The following PRKAR2B variants were observed in gnomAD, a reference collection of about 807,000 sequenced individuals.
PRKAR2B encodes the protein cAMP-dependent protein kinase type II-beta regulatory subunit.
In PRKAR2B, 14 loss-of-function variants were observed where a neutral mutation model predicts 49.9. That is an observed-to-expected ratio of 0.28 (90% CI 0.19 to 0.44). The LOEUF (loss-of-function observed/expected upper bound fraction) is 0.44. Among genes scored for constraint, PRKAR2B ranks in the 20% least tolerant of loss-of-function variants. PRKAR2B has a pLI of 1.00. For synonymous variants in PRKAR2B, 196 were observed against 197.7 expected, an observed-to-expected ratio of 0.99 and a Z score of 0.07; for missense variants, 393 against 537.9, an observed-to-expected ratio of 0.73 and a Z score of 2.67.
chr7:107,046,647 A>G (rs1793701059), intron 1 of PRKAR2B, among the ~76,000 whole-genome samples: 1 of 152,200 alleles, frequency 6.6e-6, no homozygotes, highest in Non-Finnish European at 1.5e-5. Context: ...AGAAACGAGA[A>G]AGAGAAAAGA....
chr7:107,096,604 G>A (rs1416173096), intron 2 of PRKAR2B, among the ~76,000 whole-genome samples: 5 of 152,090 alleles, frequency 3.3e-5, no homozygotes, highest in Middle Eastern at 3.4e-3. Context: ...TGTGATGTTA[G>A]GGTGTCAATT....
At chr7:107,151,808 A>G (rs1054942095) in intron 7 of PRKAR2B, among the ~76,000 whole-genome samples, 2 of 152,182 alleles carry the variant, frequency 1.3e-5, no homozygotes, top group African/African-American at 4.8e-5. Context: ...GCCTGGGAGA[A>G]GATCGAAACT....
intron 4 of PRKAR2B, among the ~76,000 whole-genome samples, chr7:107,132,054 A>G (rs566820899): frequency 2.0e-5 from 3 of 152,306 alleles, no homozygotes; most frequent in Admixed American, 6.5e-5. Flanking sequence ...GGAAAACATG[A>G]TATATTGCTG....
intron 1 of PRKAR2B, among the ~76,000 whole-genome samples, chr7:107,050,192 G>C (rs1034485275): frequency 2.3e-4 from 35 of 152,206 alleles, no homozygotes; most frequent in African/African-American, 8.4e-4. Flanking sequence ...AGTAAAACCA[G>C]TTGTGAAGGC....
At chr7:107,155,406 AT>A (rs529020861) in intron 8 of PRKAR2B, among the ~76,000 whole-genome samples, 1 of 152,258 alleles carries the variant, frequency 6.6e-6, no homozygotes, top group East Asian at 1.9e-4. Flanking sequence ...ATACAAAAAA[AT>A]AAATAAATAC....
At chr7:107,106,410 A>G (rs935853744) in intron 2 of PRKAR2B, among the ~76,000 whole-genome samples, 2 of 152,170 alleles carry the variant, frequency 1.3e-5, no homozygotes, top group Admixed American at 6.5e-5. Context: ...ATCCTCTACC[A>G]TACATCAGAT....
chr7:107,160,997 C>T lies in PRKAR2B; in HGVS notation c.*1415C>T, dbSNP rs182350215. 46 of 152,248 alleles carry T rather than the reference C, an allele frequency of 3.0e-4. No homozygotes were observed. The East Asian group carries it at 8.1e-3, about 27-fold the overall frequency. 9.4% of individuals were successfully genotyped at this position (152,248 alleles called of 1,614,324 possible). On this transcript the variant is annotated 3_prime_UTR_variant, in exon 11 of 11. Transcript: ENST00000265717. Reference sequence around the variant, plus strand: ...TGATTTCATTTTGGGAAACAGGTTTCAAATGAATATATATACATGGGTAAA... The same window carrying T: ...TGATTTCATTTTGGGAAACAGGTTTTAAATGAATATATATACATGGGTAAA...
chr7:107,145,825 C>T (rs1162770235), intron 5 of PRKAR2B, among the ~76,000 whole-genome samples: 3 of 150,754 alleles, frequency 2.0e-5, no homozygotes, highest in Non-Finnish European at 4.4e-5. Context: ...CTGCAACCTC[C>T]GTCTCCCAGG....
intron 1 of PRKAR2B, among the ~76,000 whole-genome samples, chr7:107,054,235 TC>T (rs927972448): frequency 6.6e-6 from 1 of 152,068 alleles, no homozygotes; most frequent in Non-Finnish European, 1.5e-5. Context: ...TTGCCTGTAG[TC>T]CCAGCTACTC....
chr7:107,103,834 T>C (rs1795020765), intron 2 of PRKAR2B, among the ~76,000 whole-genome samples: 1 of 152,218 alleles, frequency 6.6e-6, no homozygotes, highest in Non-Finnish European at 1.5e-5. Flanking sequence ...CACCCAAAGC[T>C]ATTCCTTGTT....
At chr7:107,139,879 A>G (rs1795760902) in intron 4 of PRKAR2B, among the ~76,000 whole-genome samples, 1 of 151,562 alleles carries the variant, frequency 6.6e-6, no homozygotes, top group Admixed American at 6.6e-5. Context: ...TCTATCTTCA[A>G]CTCTTTAGTT....
chr7:107,102,763 G>A (rs570565084), intron 2 of PRKAR2B, among the ~76,000 whole-genome samples: 9 of 152,214 alleles, frequency 5.9e-5, no homozygotes, highest in East Asian at 1.9e-4. Context: ...CTCTGCCTCC[G>A]GGGTTCAGGT....
intron 2 of PRKAR2B, among the ~76,000 whole-genome samples, chr7:107,097,448 T>C (rs1794863710): frequency 3.9e-5 from 6 of 152,212 alleles, no homozygotes; most frequent in Admixed American, 3.9e-4. Flanking sequence ...CTGATGAATC[T>C]TGACTCTTTA....
At chr7:107,147,920 G>A (rs988138140) in intron 6 of PRKAR2B, among the ~76,000 whole-genome samples, 2 of 152,218 alleles carry the variant, frequency 1.3e-5, no homozygotes, top group Non-Finnish European at 2.9e-5. Flanking sequence ...TTCAGCATTT[G>A]ACTCTGAAGT....
intron 4 of PRKAR2B, among the ~76,000 whole-genome samples, chr7:107,132,595 C>G (rs1258842645): frequency 6.6e-6 from 1 of 151,722 alleles, no homozygotes; most frequent in Non-Finnish European, 1.5e-5. Flanking sequence ...GTTAACAGAA[C>G]TTGGTACTTG....
chr7:107,094,481 T>C (rs1441432186), intron 2 of PRKAR2B, among the ~76,000 whole-genome samples: 4 of 152,242 alleles, frequency 2.6e-5, no homozygotes, highest in Non-Finnish European at 5.9e-5. Flanking sequence ...GATGGTAGTT[T>C]CTTTTGCTGT....
chr7:107,102,226 C>G (rs1055781707), intron 2 of PRKAR2B, among the ~76,000 whole-genome samples: 1 of 152,070 alleles, frequency 6.6e-6, no homozygotes, highest in Non-Finnish European at 1.5e-5. Context: ...AAAATAACAG[C>G]TAGAACTAGG....
intron 10 of PRKAR2B, among the ~76,000 whole-genome samples, chr7:107,157,887 AC>A (rs1469250871): frequency 2.0e-5 from 3 of 152,224 alleles, no homozygotes; most frequent in Non-Finnish European, 4.4e-5. Context: ...GAAATCACTT[AC>A]TTTGATAAGA....
Position 107,049,847 on chromosome 7 carries a change from G to A in PRKAR2B, c.307+4633G>A, listed in dbSNP as rs1034538766. Among the ~76,000 whole-genome samples, 157 of 152,218 alleles carry A rather than the reference G, an allele frequency of 1.0e-3. 3 individuals carry two copies. Among genetic ancestry groups the A allele is most frequent in the Admixed American group, 0.01 (156 of 15,288 alleles). ...TTTTTGGCTATTAGAGATTTACATG[G>A]TGGTTTTAAATCCTCCTGAAATGGA... On this transcript the variant is annotated intron_variant, in intron 1 of 10. Transcript: ENST00000265717.
Sources: gnomAD v4.1 joint callset for allele counts (sites outside exome capture counted in the v4.1 genomes callset) on GRCh38, gnomAD v4.1.1 for gene constraint, MANE v1.5 for transcripts, NCBI Gene and HGNC (gene_info 2026-07-23, HGNC 2026-07-21) for gene names.